Variants in APLF observed in about 807,000 individuals in gnomAD.
APLF encodes aprataxin and PNK-like factor.
In APLF, 61 loss-of-function variants were observed where a neutral mutation model predicts 55.6. The ratio of observed to expected loss-of-function variants is 1.10; its 90% CI spans 0.89 to 1.36. APLF has a LOEUF of 1.36. APLF is among the 40% of genes most tolerant of loss of function. The pLI, the probability that APLF is intolerant of heterozygous loss-of-function variation, is 0.00. For missense variants in APLF, 611 were observed against 602.5 expected (o/e 1.01, Z -0.15); for synonymous variants, 207 against 214.8 (o/e 0.96, Z 0.32).
intron 7 of APLF, among the ~76,000 whole-genome samples, chr2:68,543,804 A>G (rs754134004): frequency 2.0e-5 from 3 of 151,318 alleles, no homozygotes; most frequent in African/African-American, 4.8e-5. Context: ...TGAATTAATC[A>G]TATAAATATA....
At chr2:68,467,971 C>A in intron 1 of APLF, 144 bp downstream of exon 1, 1 of 513,134 alleles carries the variant, frequency 1.9e-6, no homozygotes. Context: ...GCACGTTTTT[C>A]AGTTACCTTT....
chr2:68,517,326 C>A (rs143854201), intron 5 of APLF, among the ~76,000 whole-genome samples: 9,670 of 111,630 alleles, frequency 0.087, 515 homozygotes, highest in Middle Eastern at 0.21. Flanking sequence ...TAATATATGT[C>A]ATTACTATAT....
intron 5 of APLF, among the ~76,000 whole-genome samples, chr2:68,525,459 G>A (rs1184113174): frequency 7.2e-5 from 11 of 152,112 alleles, no homozygotes; most frequent in Admixed American, 1.3e-4. Context: ...TACTCTGCTA[G>A]ATAGTTTACA....
chr2:68,566,591 C>T (rs1469051122), intron 8 of APLF, among the ~76,000 whole-genome samples: 1 of 152,088 alleles, frequency 6.6e-6, no homozygotes, highest in Non-Finnish European at 1.5e-5. Context: ...TGTTAGTGTA[C>T]CCCAGCTGTG....
chr2:68,523,406 C>T (rs547969310), intron 5 of APLF, among the ~76,000 whole-genome samples: 21 of 147,832 alleles, frequency 1.4e-4, no homozygotes, highest in African/African-American at 5.6e-4. Flanking sequence ...TTTAAATATA[C>T]AATACACTTT....
intron 9 of APLF, among the ~76,000 whole-genome samples, chr2:68,570,289 T>TTTA (rs1558557052): frequency 1.9e-4 from 18 of 96,884 alleles, no homozygotes; most frequent in African/African-American, 1.3e-3. Flanking sequence ...TTTTTTTTAA[T>TTTA]ATATATATAT....
chr2:68,479,876 T>G (rs922497111), intron 1 of APLF, among the ~76,000 whole-genome samples: 2 of 152,122 alleles, frequency 1.3e-5, no homozygotes, highest in African/African-American at 4.8e-5. Context: ...CTCCTCCTCC[T>G]CAGCCTACTC....
chr2:68,515,897 A>AT (rs1416621887), intron 5 of APLF, among the ~76,000 whole-genome samples: 2 of 151,786 alleles, frequency 1.3e-5, no homozygotes, highest in East Asian at 3.9e-4. Context: ...TGGTGCTGTT[A>AT]TTTTTTAAAA....
Position 68,580,055 on chromosome 2 carries a change from G to A in APLF, c.*2033G>A. ...GGATATTCTTCGTAGTAATGTAATAGTTCATGGTAGCTGCTTTTAACGATA... is the reference window on the plus strand; with the variant it reads ...GGATATTCTTCGTAGTAATGTAATAATTCATGGTAGCTGCTTTTAACGATA... On this transcript the variant is annotated 3_prime_UTR_variant, in exon 10 of 10. Transcript: ENST00000303795. 2 of 923,524 alleles carry A rather than the reference G, an allele frequency of 2.2e-6. No individual in the cohort carries two copies. The highest frequency in any genetic ancestry group is 2.6e-6 in the Non-Finnish European group (2 of 773,488). 57.2% of individuals were successfully genotyped at this position (923,524 alleles called of 1,614,324 possible).
intron 5 of APLF, 143 bp downstream of exon 5, chr2:68,513,823 G>C (rs573933830): frequency 2.2e-6 from 2 of 910,650 alleles, no homozygotes; most frequent in African/African-American, 3.4e-5. Context: ...AGTTTTTTTA[G>C]TTGTGAACAT....
chr2:68,560,748 A>C (rs1037189678), intron 8 of APLF, among the ~76,000 whole-genome samples: 1 of 152,126 alleles, frequency 6.6e-6, no homozygotes, highest in African/African-American at 2.4e-5. Context: ...ATTTGAGAAA[A>C]AGGTTGATGT....
chr2:68,498,827 A>G (rs1210653468), intron 2 of APLF, among the ~76,000 whole-genome samples: 2 of 152,200 alleles, frequency 1.3e-5, no homozygotes, highest in African/African-American at 2.4e-5. Context: ...CAGTAGCTCT[A>G]TAAGTTGCAG....
chr2:68,520,618 T>C (rs955658830), intron 5 of APLF, among the ~76,000 whole-genome samples: 1 of 152,058 alleles, frequency 6.6e-6, no homozygotes, highest in African/African-American at 2.4e-5. Flanking sequence ...AAAGCTCAGT[T>C]GGCTGTAAGT....
intron 5 of APLF, among the ~76,000 whole-genome samples, chr2:68,519,688 A>T (rs145144861): frequency 6.6e-6 from 1 of 150,506 alleles, no homozygotes; most frequent in Non-Finnish European, 1.5e-5. Flanking sequence ...GTATATATAT[A>T]TATATTAGTT....
intron 1 of APLF, among the ~76,000 whole-genome samples, chr2:68,487,617 T>C (rs1394627328): frequency 1.3e-5 from 2 of 152,158 alleles, no homozygotes; most frequent in African/African-American, 2.4e-5. Context: ...ATGTGTTGGA[T>C]ATTCACTCTG....
At chr2:68,551,432 GTCTAC>G (rs949905741) in intron 8 of APLF, among the ~76,000 whole-genome samples, 2 of 151,926 alleles carry the variant, frequency 1.3e-5, no homozygotes, top group African/African-American at 2.4e-5. Context: ...CAGATATTGT[GTCTAC>G]TCTATTTTAT....
chr2:68,484,987 C>A (rs1209628004), intron 1 of APLF, among the ~76,000 whole-genome samples: 1 of 151,894 alleles, frequency 6.6e-6, no homozygotes, highest in Non-Finnish European at 1.5e-5. Flanking sequence ...TGTGTGCGCA[C>A]ATTTTTTTCT....
intron 8 of APLF, among the ~76,000 whole-genome samples, chr2:68,561,354 C>G (rs1479933210): frequency 6.6e-6 from 1 of 152,084 alleles, no homozygotes. Flanking sequence ...CTCAGCTCTC[C>G]TGATCTTGAA....
chr2:68,543,109 CA>C (rs1391134039), intron 7 of APLF, among the ~76,000 whole-genome samples: 1 of 152,010 alleles, frequency 6.6e-6, no homozygotes, highest in Non-Finnish European at 1.5e-5. Flanking sequence ...TTCATAAAAA[CA>C]AATTAGAATG....
Sources: gnomAD v4.1 joint callset for allele counts (sites outside exome capture counted in the v4.1 genomes callset) on GRCh38, gnomAD v4.1.1 for gene constraint, MANE v1.5 for transcripts, NCBI Gene and HGNC (gene_info 2026-07-23, HGNC 2026-07-21) for gene names.